UGT2B17: variants seen among roughly 807,000 people sequenced by gnomAD.
UGT2B17 encodes the protein UDP glucuronosyltransferase family 2 member B17, also known as UDP-glucuronosyltransferase 2B17.
In UGT2B17, 21 loss-of-function variants were observed where a neutral mutation model predicts 48.2. The observed-to-expected ratio is 0.44, with a 90% CI of 0.31 to 0.63. The LOEUF (loss-of-function observed/expected upper bound fraction) is 0.63. Ranked by LOEUF, UGT2B17 falls within the 20% of genes least tolerant of loss-of-function variation. The pLI, the probability that UGT2B17 is intolerant of heterozygous loss-of-function variation, is 0.08. For synonymous variants in UGT2B17, 146 were observed against 238.4 expected, an observed-to-expected ratio of 0.61 and a Z score of 3.57; for missense variants, 402 against 696.1, an observed-to-expected ratio of 0.58 and a Z score of 4.75.
chr4:68,547,656 A>G (rs1393191590), intron 6 of UGT2B17, among the ~76,000 whole-genome samples: 1 of 126,484 alleles, frequency 7.9e-6, no homozygotes, highest in Non-Finnish European at 1.7e-5. Context: ...GAATGGGAGA[A>G]CATTTTTGCA....
Position 68,556,964 on chromosome 4 carries a change from G to T in UGT2B17, c.1005+3573C>A, listed in dbSNP as rs1328277237. 1.6e-5 allele frequency among the ~76,000 whole-genome samples: 2 copies of T among 123,820 alleles called. 1 individual carries two copies. The highest frequency in any genetic ancestry group is 3.4e-5 in the Non-Finnish European group (2 of 58,582). 81.2% of individuals were successfully genotyped at this position (123,820 alleles called of 152,430 possible). ...ACCTAAGTAATCCTTTAATTTATTAGTTTCCCTAAAGTCCAAAAATGACAT... is the reference window on the plus strand; with the variant it reads ...ACCTAAGTAATCCTTTAATTTATTATTTTCCCTAAAGTCCAAAAATGACAT... On this transcript the variant is annotated intron_variant, in intron 4 of 6. Coordinates refer to ENST00000317746, the MANE Select transcript of UGT2B17 (RefSeq NM_001077.4).
Position 68,558,262 on chromosome 4 carries a change from T to A in UGT2B17, c.1005+2275A>T, listed in dbSNP as rs1409480613. On this transcript the variant is annotated intron_variant, in intron 4 of 6. Coordinates refer to ENST00000317746, the MANE Select transcript of UGT2B17 (RefSeq NM_001077.4). ...GTTGTTAGATTCTAGTCTTGCCTAATGTTTTTCAATTTTTATTACTGTCTA... is the reference window on the plus strand; with the variant it reads ...GTTGTTAGATTCTAGTCTTGCCTAAAGTTTTTCAATTTTTATTACTGTCTA... 2.6e-4 allele frequency among the ~76,000 whole-genome samples: 33 copies of A among 124,860 alleles called. 7 individuals are homozygous for A. Among genetic ancestry groups the A allele is most frequent in the African/African-American group, 8.4e-4 (31 of 36,738 alleles). 81.9% of individuals were successfully genotyped at this position (124,860 alleles called of 152,430 possible). A position where few individuals can be genotyped will look rare whatever the true frequency, so the allele number is the denominator to read the frequency against.
rs1219523719 is a variant in UGT2B17, at chr4:68,553,172, A to G, written c.1006-1261T>C. ...AGTATTTCTCCCATCAGATTTGACA[A>G]ACTTTACCTGACTTGATCATATCTG... On this transcript the variant is annotated intron_variant, in intron 4 of 6. Coordinates refer to ENST00000317746, the MANE Select transcript of UGT2B17 (RefSeq NM_001077.4). Among the ~76,000 whole-genome samples, 2 of 125,614 alleles carry G rather than the reference A, an allele frequency of 1.6e-5. 1 individual carries two copies. Among genetic ancestry groups the G allele is most frequent in the Admixed American group, 1.6e-4 (2 of 12,308 alleles). The allele number at this position is 125,614 out of a possible 152,430, so 82.4% of individuals were successfully genotyped here.
chr4:68,566,536 A>G (rs1467920746), intron 2 of UGT2B17, among the ~76,000 whole-genome samples: 1 of 130,224 alleles, frequency 7.7e-6, no homozygotes, highest in Non-Finnish European at 1.6e-5. Flanking sequence ...TGATAGTTTT[A>G]TAAGTGTCTG....
chr4:68,551,450 G>T (rs1730912916), intron 5 of UGT2B17, among the ~76,000 whole-genome samples: 1 of 124,678 alleles, frequency 8.0e-6, no homozygotes, highest in Non-Finnish European at 1.7e-5. Flanking sequence ...AGAGTCACTG[G>T]TAATAGAAGA....
chr4:68,549,939 G>A (rs1383103448), intron 6 of UGT2B17, among the ~76,000 whole-genome samples: 1 of 125,432 alleles, frequency 8.0e-6, no homozygotes, highest in Non-Finnish European at 1.7e-5. Flanking sequence ...ATATTATATA[G>A]AAATAAAAAT....
chr4:68,575,753 G>A lies in UGT2B17; in HGVS notation c.-65+198C>T, dbSNP rs533586119. ...GTCAAGTCAAAACCAGATCAAAAGTGCCAATACAGGCACACCGTGGGTGAT... is the reference window on the plus strand; with the variant it reads ...GTCAAGTCAAAACCAGATCAAAAGTACCAATACAGGCACACCGTGGGTGAT... On this transcript the variant is annotated intron_variant, in intron 1 of 6. Coordinates refer to ENST00000317746, the MANE Select transcript of UGT2B17 (RefSeq NM_001077.4). 2.7e-4 allele frequency among the ~76,000 whole-genome samples: 34 copies of A among 126,506 alleles called. 3 individuals are homozygous for A. The highest frequency in any genetic ancestry group is 8.7e-4 in the African/African-American group (32 of 36,868). The allele number at this position is 126,506 out of a possible 152,430, so 83.0% of individuals were successfully genotyped here.
chr4:68,574,838 C>T (rs1480318843), intron 1 of UGT2B17, among the ~76,000 whole-genome samples: 1 of 125,076 alleles, frequency 8.0e-6, no homozygotes, highest in Non-Finnish European at 1.7e-5. Flanking sequence ...CATGTCTCAA[C>T]TTTCTGACTT....
In UGT2B17 at chr4:68,562,115, T is replaced by A. The variant is rs558299924; in HGVS notation, c.874-1447A>T. ...GACATCTTTTATTTTTATTTTATTT[T>A]ATTTATTTATTTATTTTTGAGATGG... On this transcript the variant is annotated intron_variant, in intron 3 of 6. Transcript: ENST00000317746. Among the ~76,000 whole-genome samples, 7 of 124,816 alleles carry A rather than the reference T, an allele frequency of 5.6e-5. 1 individual carries two copies. Among genetic ancestry groups the A allele is most frequent in the African/African-American group, 1.9e-4 (7 of 36,782 alleles). 81.9% of individuals were successfully genotyped at this position (124,816 alleles called of 152,430 possible). A position where few individuals can be genotyped will look rare whatever the true frequency, so the allele number is the denominator to read the frequency against.
chr4:68,560,380 A>T (rs1731080859), intron 4 of UGT2B17, among the ~76,000 whole-genome samples, 157 bp downstream of exon 4: 1 of 134,178 alleles, frequency 7.5e-6, no homozygotes, highest in Admixed American at 7.5e-5. Flanking sequence ...TATGATTTTA[A>T]GATCTTCCAT....
rs1730581768 is a variant in UGT2B17 at position 68,537,800 on chromosome 4, C to T, written c.1418G>A (p.Gly473Glu). Residue 473 changes from glycine (G) to glutamate (E), a missense_variant, in exon 7 of 7, where the codon GGA becomes GAA. Transcript: ENST00000317746. The part of the protein sequence containing the change: ...FWIEFVMRHK[G>E]AKHLRVAAHN... ...GGCTGCGACCCGAAGGTGCTTGGCT[C>T]CTTTATGGCGCATGACAAACTCAAT... The T allele has an allele frequency of 7.2e-7, 1 of 1,379,502 alleles. No individual in the cohort carries two copies. The highest frequency in any genetic ancestry group is 9.5e-7 in the Non-Finnish European group (1 of 1,055,020). 85.5% of individuals were successfully genotyped at this position (1,379,502 alleles called of 1,614,324 possible). A position where few individuals can be genotyped will look rare whatever the true frequency, so the allele number is the denominator to read the frequency against.
At chr4:68,572,546 A>G (rs1218754587) in intron 1 of UGT2B17, among the ~76,000 whole-genome samples, 2 of 126,618 alleles carry the variant, frequency 1.6e-5, no homozygotes, top group Non-Finnish European at 3.3e-5. Flanking sequence ...AAGAGGGCAT[A>G]TAGAACCAGG....
At chr4:68,555,523 A>G (rs116033443) in intron 4 of UGT2B17, among the ~76,000 whole-genome samples, 2,942 of 125,988 alleles carry the variant, frequency 0.023, 619 homozygotes, top group African/African-American at 0.076. Context: ...GAGAGCTTGG[A>G]GGTTAAAAGC....
intron 3 of UGT2B17, among the ~76,000 whole-genome samples, chr4:68,564,294 A>ATATATTTTTTT (rs1366181355): frequency 1.3e-5 from 1 of 75,784 alleles, no homozygotes; most frequent in African/African-American, 5.1e-5. Flanking sequence ...ATATATATAT[A>ATATATTTTTTT]TTTTTTTTTT....
At position 68,564,290 on chromosome 4, in the gene UGT2B17, A is replaced by ATTTTTTTT. The variant is rs1413452406; in HGVS notation, c.873+1281_873+1282insAAAAAAAA. Among the ~76,000 whole-genome samples, 27 of 89,628 alleles carry ATTTTTTTT rather than the reference A, an allele frequency of 3.0e-4. 1 individual carries two copies. Among genetic ancestry groups the ATTTTTTTT allele is most frequent in the African/African-American group, 1.6e-3 (27 of 17,414 alleles). 58.8% of individuals were successfully genotyped at this position (89,628 alleles called of 152,430 possible). ...TCAAATTTCATATATATATATATAT[A>ATTTTTTTT]TATATTTTTTTTTTTTGAGACAGAG... On this transcript the variant is annotated intron_variant, in intron 3 of 6. Coordinates refer to ENST00000317746, the MANE Select transcript of UGT2B17 (RefSeq NM_001077.4).
chr4:68,567,589 TGA>T (rs1159743944), intron 2 of UGT2B17, among the ~76,000 whole-genome samples, 170 bp downstream of exon 2: 1 of 125,646 alleles, frequency 8.0e-6, no homozygotes, highest in African/African-American at 2.7e-5. Flanking sequence ...GGGTTCTAAC[TGA>T]TTCTATAAGG....
At chr4:68,564,294 A>ATATAT (rs1366181355) in intron 3 of UGT2B17, among the ~76,000 whole-genome samples, 2 of 75,762 alleles carry the variant, frequency 2.6e-5, no homozygotes, top group African/African-American at 5.1e-5. Context: ...ATATATATAT[A>ATATAT]TTTTTTTTTT....
At chr4:68,566,772 T>A (rs1578172421) in intron 2 of UGT2B17, among the ~76,000 whole-genome samples, 1 of 88,832 alleles carries the variant, frequency 1.1e-5, no homozygotes, top group East Asian at 1.2e-3. Context: ...TACACATTTG[T>A]CTTCCCTCTG....
rs573407159 is a variant in UGT2B17 at position 68,566,400 on chromosome 4, C to T, written c.725-680G>A. On this transcript the variant is annotated intron_variant, in intron 2 of 6. Coordinates refer to ENST00000317746, the MANE Select transcript of UGT2B17 (RefSeq NM_001077.4). ...TTGACTGTCCCCACCCAAATCTCCT[C>T]TCATCTTGAATTATAATCCCCATAA... 5.1e-5 allele frequency among the ~76,000 whole-genome samples: 6 copies of T among 117,346 alleles called. 1 individual carries two copies. The highest frequency in any genetic ancestry group is 7.0e-5 in the Non-Finnish European group (4 of 57,094). 77.0% of individuals were successfully genotyped at this position (117,346 alleles called of 152,430 possible).
Sources: gnomAD v4.1 joint callset for allele counts (sites outside exome capture counted in the v4.1 genomes callset) on GRCh38, gnomAD v4.1.1 for gene constraint, MANE v1.5 for transcripts, NCBI Gene and HGNC (gene_info 2026-07-23, HGNC 2026-07-21) for gene names.